RHOJ: variants seen among roughly 807,000 people sequenced by gnomAD.
RHOJ encodes the protein rho-related GTP-binding protein RhoJ.
Under a neutral mutation model 23.4 loss-of-function variants are expected in RHOJ, and 11 were observed. The observed-to-expected ratio is 0.47, with a 90% CI of 0.30 to 0.78. RHOJ has a LOEUF of 0.78. Among genes scored for constraint, RHOJ ranks in the 30% least tolerant of loss-of-function variants. The probability of loss-of-function intolerance (pLI) is 0.08; values close to 1 mark genes in which losing one functional copy is unlikely to be tolerated. For synonymous variants in RHOJ, 102 were observed against 102.7 expected (o/e 0.99, Z 0.04); for missense variants, 254 against 273.4 (o/e 0.93, Z 0.50).
chr14:63,218,299 GC>G (rs1470270798), intron 1 of RHOJ, among the ~76,000 whole-genome samples: 1 of 152,136 alleles, frequency 6.6e-6, no homozygotes, highest in Admixed American at 6.5e-5. Flanking sequence ...TGGTTTAGAA[GC>G]CCTTTTATGG....
At chr14:63,288,347 G>A (rs1168050042) in intron 4 of RHOJ, 3 of 985,198 alleles carry the variant, frequency 3.0e-6, no homozygotes, top group Non-Finnish European at 3.6e-6. Context: ...AGCTGTCCTG[G>A]AATTCCAGGC....
At chr14:63,287,899 A>G (rs928977233) in intron 4 of RHOJ, among the ~76,000 whole-genome samples, 13 of 152,138 alleles carry the variant, frequency 8.5e-5, no homozygotes, top group African/African-American at 3.1e-4. Context: ...TGCTGTAATA[A>G]GGGCCACATT....
intron 1 of RHOJ, among the ~76,000 whole-genome samples, chr14:63,251,003 C>T (rs997047054): frequency 6.6e-6 from 1 of 152,042 alleles, no homozygotes; most frequent in African/African-American, 2.4e-5. Context: ...CCATTGCACT[C>T]CAGCCTGGGC....
chr14:63,283,141 A>G lies in RHOJ; in HGVS notation c.423A>G (p.Pro141=), dbSNP rs778573887. Residue 141 remains proline, a synonymous_variant, in exon 4 of 5, where the codon CCA becomes CCG. Coordinates refer to ENST00000316754, the MANE Select transcript of RHOJ (RefSeq NM_020663.5). ...IGTQIDLRDD[P]KTLARLLYMK... ...GCCAGATTGATCTCCGTGATGACCCAAAAACCTTGGCCCGTTTGCTGTATA... is the reference window on the plus strand; with the variant it reads ...GCCAGATTGATCTCCGTGATGACCCGAAAACCTTGGCCCGTTTGCTGTATA... The G allele has an allele frequency of 1.9e-6, 3 of 1,613,388 alleles. No homozygotes were observed. Among genetic ancestry groups the G allele is most frequent in the South Asian group, 2.2e-5 (2 of 91,022 alleles).
chr14:63,281,372 GA>G (rs1469992875), intron 3 of RHOJ, among the ~76,000 whole-genome samples: 2 of 151,980 alleles, frequency 1.3e-5, no homozygotes, highest in African/African-American at 2.4e-5. Flanking sequence ...TAATCTCTAT[GA>G]TTTTTTTTAA....
At position 63,217,232 on chromosome 14, in the gene RHOJ, C is replaced by T. The variant is rs1378799689; in HGVS notation, c.178+12185C>T. ...AGGTATATCTCCCAATGCTATCCCT[C>T]CCCGCTCCCCCCACCCCACAACAGT... is the stretch of plus-strand genomic sequence containing the variant. On this transcript the variant is annotated intron_variant, in intron 1 of 4. Transcript: ENST00000316754. Among the ~76,000 whole-genome samples, 11 of 125,820 alleles carry T rather than the reference C, an allele frequency of 8.7e-5. No homozygotes were observed. The South Asian group carries it at 1.5e-3, about 17-fold the overall frequency. The allele number at this position is 125,820 out of a possible 152,430, so 82.5% of individuals were successfully genotyped here.
At chr14:63,279,496 G>A (rs1881835425) in intron 2 of RHOJ, among the ~76,000 whole-genome samples, 1 of 152,148 alleles carries the variant, frequency 6.6e-6, no homozygotes, top group East Asian at 1.9e-4. Flanking sequence ...GAAATATCAG[G>A]TTTTACCGTG....
intron 1 of RHOJ, among the ~76,000 whole-genome samples, chr14:63,261,355 A>G (rs1309552050): frequency 1.3e-5 from 2 of 152,154 alleles, no homozygotes; most frequent in East Asian, 3.8e-4. Context: ...ATAACATCAA[A>G]AGTTATCTTT....
intron 1 of RHOJ, among the ~76,000 whole-genome samples, chr14:63,267,002 C>G (rs1459362949): frequency 1.3e-5 from 2 of 152,200 alleles, no homozygotes; most frequent in Non-Finnish European, 2.9e-5. Flanking sequence ...CAGCTCATGC[C>G]ACACTGCACA....
At chr14:63,284,466 G>T (rs187331617) in intron 4 of RHOJ, 5 of 542,598 alleles carry the variant, frequency 9.2e-6, no homozygotes, top group Non-Finnish European at 1.2e-5. Context: ...GCTTACAGAT[G>T]AGGAAACAGT....
intron 3 of RHOJ, 85 bp from the exon 4 acceptor site, chr14:63,283,036 G>T: frequency 9.1e-7 from 1 of 1,103,142 alleles, no homozygotes; most frequent in Non-Finnish European, 1.4e-6. Flanking sequence ...TGTTAACAGG[G>T]AAAAAGACTC....
At chr14:63,205,171 A>T (rs1894082312) in intron 1 of RHOJ, 124 bp downstream of exon 1, 1 of 947,532 alleles carries the variant, frequency 1.1e-6, no homozygotes, top group East Asian at 2.6e-5. Flanking sequence ...GTAACCAGGG[A>T]GCTTAGCGTA....
rs546626546 is a variant in RHOJ, at chr14:63,293,030, C to T, written c.*2006C>T. 2.6e-5 allele frequency: 4 copies of T among 151,800 alleles called. No homozygotes were observed. The East Asian group carries it at 7.7e-4, about 29-fold the overall frequency. 9.4% of individuals were successfully genotyped at this position (151,800 alleles called of 1,614,324 possible). A position where few individuals can be genotyped will look rare whatever the true frequency, so the allele number is the denominator to read the frequency against. ...ATTGCTAAAGATTTTCTTTCATACG[C>T]ACACACTCCAGTGACTGGAAAAACG... On this transcript the variant is annotated 3_prime_UTR_variant, in exon 5 of 5. Coordinates refer to ENST00000316754, the MANE Select transcript of RHOJ (RefSeq NM_020663.5).
At chr14:63,246,375 G>T (rs1011205591) in intron 1 of RHOJ, among the ~76,000 whole-genome samples, 1 of 152,132 alleles carries the variant, frequency 6.6e-6, no homozygotes, top group East Asian at 1.9e-4. Flanking sequence ...ATAATAATAA[G>T]CATCCAGAGG....
Position 63,259,423 on chromosome 14 carries a change from C to T in RHOJ, c.179-9687C>T, listed in dbSNP as rs193101265. Among the ~76,000 whole-genome samples, 7 of 152,302 alleles carry T rather than the reference C, an allele frequency of 4.6e-5. No homozygotes were observed. The East Asian group carries it at 9.6e-4, about 21-fold the overall frequency. Reference sequence around the variant, plus strand: ...GTCAACATTAAGTGCATCCTTTCACCAGCTTTGAAACTCTCCTTAAGAGGA... The same window carrying T: ...GTCAACATTAAGTGCATCCTTTCACTAGCTTTGAAACTCTCCTTAAGAGGA... On this transcript the variant is annotated intron_variant, in intron 1 of 4. Transcript: ENST00000316754.
At chr14:63,238,102 G>A (rs1429277670) in intron 1 of RHOJ, among the ~76,000 whole-genome samples, 2 of 151,960 alleles carry the variant, frequency 1.3e-5, no homozygotes, top group Non-Finnish European at 2.9e-5. Flanking sequence ...TTTCACATAC[G>A]GAAAAAAATC....
intron 1 of RHOJ, among the ~76,000 whole-genome samples, chr14:63,232,287 A>C (rs559313947): frequency 1.3e-5 from 2 of 152,328 alleles, no homozygotes; most frequent in Non-Finnish European, 2.9e-5. Context: ...AGTCCTTCTT[A>C]AATTTAAATT....
intron 1 of RHOJ, among the ~76,000 whole-genome samples, chr14:63,264,727 G>A (rs561862265): frequency 6.6e-6 from 1 of 152,312 alleles, no homozygotes; most frequent in South Asian, 2.1e-4. Flanking sequence ...TGACTGGTGT[G>A]AGATAGTATT....
chr14:63,264,561 G>C (rs1280006920), intron 1 of RHOJ, among the ~76,000 whole-genome samples: 1 of 152,162 alleles, frequency 6.6e-6, no homozygotes, highest in Non-Finnish European at 1.5e-5. Context: ...GGATTGCTAG[G>C]TCAAATGGTA....
Sources: gnomAD v4.1 joint callset for allele counts (sites outside exome capture counted in the v4.1 genomes callset) on GRCh38, gnomAD v4.1.1 for gene constraint, MANE v1.5 for transcripts, NCBI Gene and HGNC (gene_info 2026-07-23, HGNC 2026-07-21) for gene names.